MS4A5: variants seen among roughly 807,000 people sequenced by gnomAD.
The protein encoded by MS4A5 is membrane-spanning 4-domains subfamily A member 5.
MS4A5 carries 15 observed loss-of-function variants against 18.2 expected under a neutral mutation model. The observed-to-expected ratio is 0.83, with a 90% CI of 0.55 to 1.27. The LOEUF is 1.27. MS4A5 is among the 50% of genes most tolerant of loss of function. The probability of loss-of-function intolerance (pLI) is 0.00; values close to 1 mark genes in which losing one functional copy is unlikely to be tolerated. For synonymous variants in MS4A5, 89 were observed against 78.7 expected, an observed-to-expected ratio of 1.13 and a Z score of -0.69; for missense variants, 232 against 225.7, an observed-to-expected ratio of 1.03 and a Z score of -0.18.
chr11:60,446,658 G>A (rs1294210622), intron 4 of MS4A5, among the ~76,000 whole-genome samples: 1 of 151,898 alleles, frequency 6.6e-6, no homozygotes, highest in Non-Finnish European at 1.5e-5. Flanking sequence ...GCTTGAACCT[G>A]GGAGTTGGAG....
intron 4 of MS4A5, among the ~76,000 whole-genome samples, chr11:60,436,681 GATGAA>G (rs1565187631): frequency 7.4e-6 from 1 of 134,266 alleles, no homozygotes; most frequent in Admixed American, 8.3e-5. Flanking sequence ...AGCGATGGAA[GATGAA>G]ATGAATGAAA....
chr11:60,432,318 G>C, intron 2 of MS4A5, 93 bp from the exon 3 acceptor site: 1 of 704,622 alleles, frequency 1.4e-6, no homozygotes, highest in Non-Finnish European at 2.3e-6. Flanking sequence ...CTTAGAAGGC[G>C]GGCCTGTAAA....
In MS4A5 at chr11:60,433,823, T is replaced by C. The variant is rs1467518804; in HGVS notation, c.398T>C (p.Ile133Thr). Residue 133 changes from isoleucine to threonine, a missense_variant, in exon 4 of 5, where the codon ATT becomes ACT. Ile to Thr is a moderately conservative substitution (Grantham distance 89, BLOSUM62 -1). Coordinates refer to ENST00000300190, the MANE Select transcript of MS4A5 (RefSeq NM_023945.3). ...LSALGAIAGI[I>T]LLTFGFILDQ... is the part of the protein sequence containing the mutation. ...GCCCTGGGAGCAATAGCTGGAATCA[T>C]TCTCCTCACATTTGGTTTCATCCTA... 6.2e-7 allele frequency: 1 copy of C among 1,613,906 alleles called. No homozygotes were observed. Among genetic ancestry groups the C allele is most frequent in the East Asian group, 2.2e-5 (1 of 44,888 alleles).
chr11:60,429,762 G>C lies in MS4A5; in HGVS notation c.88G>C (p.Ala30Pro), dbSNP rs1590829545. Reference protein sequence around the residue: ...ASEYESTELSATTFSTQSPLQ... With the variant: ...ASEYESTELSPTTFSTQSPLQ... ...AGAATATGAGTCCACAGAACTTTCA[G>C]CCACGACCTTTTCAACTCAAAGCCC... Residue 30 changes from alanine to proline, a missense_variant, in exon 1 of 5, where the codon GCC (alanine) becomes CCC (proline). By Grantham distance (27) the Ala-to-Pro change is conservative. Coordinates refer to ENST00000300190, the MANE Select transcript of MS4A5 (RefSeq NM_023945.3). 7 of 1,614,054 alleles carry C rather than the reference G, an allele frequency of 4.3e-6. No homozygotes were observed. The East Asian group carries it at 1.6e-4, about 36-fold the overall frequency.
chr11:60,437,564 A>G (rs1030262139), intron 4 of MS4A5, among the ~76,000 whole-genome samples: 1 of 152,148 alleles, frequency 6.6e-6, no homozygotes, highest in Non-Finnish European at 1.5e-5. Flanking sequence ...CTCAAAATAA[A>G]AGGATGGAGG....
At position 60,447,733 on chromosome 11, in the gene MS4A5, G is replaced by A. The variant is rs78873269; in HGVS notation, c.577G>A (p.Asp193Asn). 6.1e-4 allele frequency: 970 copies of A among 1,593,534 alleles called. 4 individuals are homozygous for A. The African/African-American group carries it at 0.011, about 19-fold the overall frequency. The change falls in exon 5 of 5, where the codon GAT becomes AAT. Residue 193 changes from aspartate to asparagine, a missense_variant. Physicochemically the swap from Asp to Asn is conservative, Grantham distance 23 (BLOSUM62 1). Coordinates refer to ENST00000300190, the MANE Select transcript of MS4A5 (RefSeq NM_023945.3). ...PFSILGCHSE[D>N]CDCEQCC ...CTCAATTTTGGGGTGCCACTCAGAG[G>A]ATTGTGATTGTGAACAATGTTGTTG... is the stretch of plus-strand genomic sequence containing the variant.
chr11:60,444,363 TG>T (rs1318498488), intron 4 of MS4A5, among the ~76,000 whole-genome samples: 11 of 152,078 alleles, frequency 7.2e-5, no homozygotes, highest in Non-Finnish European at 1.0e-4. Context: ...CTTGAGTGGG[TG>T]GGCTGCAGGG....
chr11:60,431,280 C>T (rs1485287407), intron 2 of MS4A5, among the ~76,000 whole-genome samples: 1 of 152,158 alleles, frequency 6.6e-6, no homozygotes, highest in East Asian at 1.9e-4. Flanking sequence ...CACTTCAAGT[C>T]AGTGTGATAA....
intron 4 of MS4A5, among the ~76,000 whole-genome samples, chr11:60,441,542 CCTTA>C (rs1307034995): frequency 6.9e-6 from 1 of 144,908 alleles, no homozygotes. Flanking sequence ...ATGGGTATAT[CCTTA>C]CTATTTGTCA....
chr11:60,439,099 G>A, intron 4 of MS4A5, among the ~76,000 whole-genome samples: 1 of 108,384 alleles, frequency 9.2e-6, no homozygotes, highest in Non-Finnish European at 1.8e-5. Flanking sequence ...CTTCATCCCT[G>A]GGATGCAAGG....
rs140687780 is a variant in MS4A5, at chr11:60,442,093, T to C, written c.493-5556T>C. Among the ~76,000 whole-genome samples, 1,220 of 152,302 alleles carry C rather than the reference T, an allele frequency of 8.0e-3. 17 individuals carry two copies. The highest frequency in any genetic ancestry group is 0.028 in the African/African-American group (1,151 of 41,566). On this transcript the variant is annotated intron_variant, in intron 4 of 4. Coordinates refer to ENST00000300190, the MANE Select transcript of MS4A5 (RefSeq NM_023945.3). ...AGACAGACCATAAAATTACAGAATT[T>C]TGAATACAATTGATAAAATTGACCT...
At chr11:60,445,736 A>G (rs2086135233) in intron 4 of MS4A5, among the ~76,000 whole-genome samples, 1 of 152,248 alleles carries the variant, frequency 6.6e-6, no homozygotes, top group South Asian at 2.1e-4. Context: ...ATTTACAAAA[A>G]GGAAACTACA....
Position 60,429,631 on chromosome 11 carries a change from G to T in MS4A5, c.-44G>T. The T allele has an allele frequency of 6.3e-7, 1 of 1,577,750 alleles. No individual in the cohort carries two copies. Among genetic ancestry groups the T allele is most frequent in the Non-Finnish European group, 8.6e-7 (1 of 1,164,310 alleles). ...AGAAAAGAACATGGTCTAGACTGAAGTACCAACTAAATCATCTCCTTTCAA... is the reference window on the plus strand; with the variant it reads ...AGAAAAGAACATGGTCTAGACTGAATTACCAACTAAATCATCTCCTTTCAA... On this transcript the variant is annotated 5_prime_UTR_variant, in exon 1 of 5. Coordinates refer to ENST00000300190, the MANE Select transcript of MS4A5 (RefSeq NM_023945.3).
chr11:60,438,349 T>C (rs916012039), intron 4 of MS4A5, among the ~76,000 whole-genome samples: 3 of 151,718 alleles, frequency 2.0e-5, no homozygotes, highest in Non-Finnish European at 4.4e-5. Flanking sequence ...CACCCTAACA[T>C]CACAATTAAA....
At chr11:60,433,717 G>A in intron 3 of MS4A5, 48 bp from the exon 4 acceptor site, 1 of 1,580,244 alleles carries the variant, frequency 6.3e-7, no homozygotes, top group Non-Finnish European at 8.7e-7. Flanking sequence ...TTTGTTTGTA[G>A]TACAGGCTGG....
At chr11:60,433,973 T>G in intron 4 of MS4A5, 56 bp downstream of exon 4, 1 of 1,473,318 alleles carries the variant, frequency 6.8e-7, no homozygotes, top group Non-Finnish European at 9.4e-7. Flanking sequence ...AAAATATTTA[T>G]TAGCACTCAA....
At chr11:60,442,086 C>T (rs11827751) in intron 4 of MS4A5, among the ~76,000 whole-genome samples, 40,857 of 152,032 alleles carry the variant, frequency 0.27, 5,937 homozygotes, top group Admixed American at 0.39. Flanking sequence ...CATAAAATTA[C>T]AGAATTTTGA....
intron 4 of MS4A5, among the ~76,000 whole-genome samples, chr11:60,435,042 C>A (rs947936896): frequency 1.3e-5 from 2 of 152,142 alleles, no homozygotes; most frequent in African/African-American, 4.8e-5. Context: ...TGGCCACAAG[C>A]CAAACAAACC....
At chr11:60,435,738 G>T (rs1242705544) in intron 4 of MS4A5, among the ~76,000 whole-genome samples, 1 of 152,100 alleles carries the variant, frequency 6.6e-6, no homozygotes. Flanking sequence ...TTAAAAAACG[G>T]CGCACCACGA....
Sources: gnomAD v4.1 joint callset for allele counts (sites outside exome capture counted in the v4.1 genomes callset) on GRCh38, gnomAD v4.1.1 for gene constraint, MANE v1.5 for transcripts, NCBI Gene and HGNC (gene_info 2026-07-23, HGNC 2026-07-21) for gene names.